Variants in CHD9 observed in about 807,000 individuals in gnomAD.
CHD9 encodes chromodomain helicase DNA binding protein 9, also known as ATP-dependent chromatin remodeler CHD9.
In CHD9, 77 loss-of-function variants were observed where a neutral mutation model predicts 316.1. The ratio of observed to expected loss-of-function variants is 0.24; its 90% CI spans 0.20 to 0.29. The LOEUF (loss-of-function observed/expected upper bound fraction) is 0.29, where lower values mean the gene tolerates loss of function less well. Among genes scored for constraint, CHD9 ranks in the 10% least tolerant of loss-of-function variants. The pLI is 1.00. For synonymous variants in CHD9, 1,129 were observed against 1,158.3 expected (o/e 0.97, Z 0.51); for missense variants, 2,763 against 3,438.1 (o/e 0.80, Z 4.91).
intron 31 of CHD9, among the ~76,000 whole-genome samples, chr16:53,305,512 T>C (rs1380595761): frequency 6.6e-6 from 1 of 152,250 alleles, no homozygotes; most frequent in Non-Finnish European, 1.5e-5. Flanking sequence ...CAGTAGTTTA[T>C]TTGTGATTGT....
chr16:53,116,875 A>T (rs764259772), intron 1 of CHD9, among the ~76,000 whole-genome samples: 32 of 152,216 alleles, frequency 2.1e-4, no homozygotes, highest in Admixed American at 7.2e-4. Context: ...CATTTAAACC[A>T]TGGAATGCTA....
intron 24 of CHD9, among the ~76,000 whole-genome samples, chr16:53,280,014 C>A (rs889405357): frequency 6.6e-6 from 1 of 151,980 alleles, no homozygotes; most frequent in African/African-American, 2.4e-5. Flanking sequence ...ATCAAAAAAT[C>A]AAAAAATAAT....
chr16:53,226,022 A>C (rs2047624175), intron 4 of CHD9, among the ~76,000 whole-genome samples: 1 of 152,260 alleles, frequency 6.6e-6, no homozygotes. Context: ...TAATGTAGTA[A>C]TAAAGGTATT....
intron 1 of CHD9, among the ~76,000 whole-genome samples, chr16:53,089,103 C>A (rs111621641): frequency 6.7e-6 from 1 of 149,744 alleles, no homozygotes; most frequent in Non-Finnish European, 1.5e-5. Context: ...CAGAGTGAGA[C>A]TCTGTCTCAA....
At chr16:53,086,492 C>T (rs192509547) in intron 1 of CHD9, among the ~76,000 whole-genome samples, 262 of 152,320 alleles carry the variant, frequency 1.7e-3, no homozygotes, top group Non-Finnish European at 2.3e-3. Context: ...TGTTGCCTCC[C>T]GCCCCAGACT....
chr16:53,275,248 G>A (rs1228799456), intron 24 of CHD9, among the ~76,000 whole-genome samples: 2 of 151,946 alleles, frequency 1.3e-5, no homozygotes, highest in Admixed American at 1.3e-4. Context: ...AGCTGGTCTT[G>A]AACTCCTAAC....
chr16:53,211,649 T>C (rs949680965), intron 3 of CHD9, among the ~76,000 whole-genome samples: 1 of 152,154 alleles, frequency 6.6e-6, no homozygotes, highest in Non-Finnish European at 1.5e-5. Context: ...AGTGAATTGA[T>C]AGAAGAATTT....
intron 29 of CHD9, among the ~76,000 whole-genome samples, chr16:53,294,921 C>T (rs2054642918): frequency 6.6e-6 from 1 of 152,122 alleles, no homozygotes; most frequent in Admixed American, 6.5e-5. Context: ...AGTTCTTAAG[C>T]CTAAGTTTGA....
intron 1 of CHD9, among the ~76,000 whole-genome samples, chr16:53,110,202 A>C (rs1418881392): frequency 6.6e-6 from 1 of 152,176 alleles, no homozygotes. Context: ...TGTCTATAGA[A>C]GTATTTTTGA....
At chr16:53,133,231 GTGATTAAT>G (rs1302368328) in intron 1 of CHD9, among the ~76,000 whole-genome samples, 1 of 152,166 alleles carries the variant, frequency 6.6e-6, no homozygotes, top group African/African-American at 2.4e-5. Context: ...AAAAACCCTT[GTGATTAAT>G]TGACCAGGAG....
At chr16:53,255,525 A>G in intron 18 of CHD9, 75 bp from the exon 19 acceptor site, 1 of 1,343,004 alleles carries the variant, frequency 7.4e-7, no homozygotes, top group Non-Finnish European at 1.0e-6. Flanking sequence ...GTGTTCTTTG[A>G]CATCCTTTAG....
intron 34 of CHD9, among the ~76,000 whole-genome samples, chr16:53,312,572 ATTC>A (rs1367128456): frequency 6.6e-6 from 1 of 152,210 alleles, no homozygotes; most frequent in African/African-American, 2.4e-5. Flanking sequence ...TAGTGTGTAA[ATTC>A]TTACTGGGAC....
Position 53,304,343 on chromosome 16 carries a change from A to G in CHD9, c.6337A>G (p.Thr2113Ala), listed in dbSNP as rs1271578449. Residue 2113 changes from threonine to alanine, a missense_variant, in exon 31 of 39, where the codon ACT becomes GCT. By Grantham distance (58) the Thr-to-Ala change is moderately conservative (BLOSUM62 0). Coordinates refer to ENST00000447540, the MANE Select transcript of CHD9 (RefSeq NM_001308319.2). ...RMVAARTEPL[T>A]PNPASKKPRV... ...GGTTGCAGCCAGAACAGAACCCCTA[A>G]CTCCAAACCCAGCTTCTAAGAAACC... is the stretch of plus-strand genomic sequence containing the variant. 6.2e-7 allele frequency: 1 copy of G among 1,612,748 alleles called. No homozygotes were observed. The highest frequency in any genetic ancestry group is 8.5e-7 in the Non-Finnish European group (1 of 1,179,744).
Position 53,272,593 on chromosome 16 carries a change from A to G in CHD9, c.4718-1033A>G, listed in dbSNP as rs551435818. On this transcript the variant is annotated intron_variant, in intron 22 of 38. Transcript: ENST00000447540. ...AGGTGGTATAGTTATGTAATAAATT[A>G]TTATACAGAAACAAAAATAGATGAA... Among the ~76,000 whole-genome samples the G allele has an allele frequency of 4.1e-3, 622 of 152,326 alleles. 4 individuals carry two copies. Among genetic ancestry groups the G allele is most frequent in the African/African-American group, 0.014 (596 of 41,578 alleles).
chr16:53,123,111 C>T (rs1184631523), intron 1 of CHD9, among the ~76,000 whole-genome samples: 1 of 151,812 alleles, frequency 6.6e-6, no homozygotes, highest in East Asian at 1.9e-4. Context: ...GATCCATCTG[C>T]CCTGGCCTCC....
At chr16:53,148,603 G>A (rs946534408) in intron 1 of CHD9, among the ~76,000 whole-genome samples, 1 of 152,212 alleles carries the variant, frequency 6.6e-6, no homozygotes, top group Non-Finnish European at 1.5e-5. Context: ...GACTGATGTT[G>A]AGTGTCTTCA....
chr16:53,077,741 A>C (rs1465684092), intron 1 of CHD9, among the ~76,000 whole-genome samples: 2 of 152,096 alleles, frequency 1.3e-5, no homozygotes, highest in Non-Finnish European at 2.9e-5. Context: ...TCTTTTTTTG[A>C]GGTAAAACAT....
intron 16 of CHD9, among the ~76,000 whole-genome samples, chr16:53,248,464 C>T (rs556938296): frequency 6.7e-6 from 1 of 149,838 alleles, no homozygotes; most frequent in East Asian, 1.9e-4. Flanking sequence ...TCAGAAATTT[C>T]AGCTATAGAT....
chr16:53,244,480 C>T (rs532725847), intron 13 of CHD9, among the ~76,000 whole-genome samples: 63 of 152,208 alleles, frequency 4.1e-4, no homozygotes, highest in African/African-American at 1.5e-3. Flanking sequence ...CATGAGCCAC[C>T]GCGCCCGGCC....
Sources: gnomAD v4.1 joint callset for allele counts (sites outside exome capture counted in the v4.1 genomes callset) on GRCh38, gnomAD v4.1.1 for gene constraint, MANE v1.5 for transcripts, NCBI Gene and HGNC (gene_info 2026-07-23, HGNC 2026-07-21) for gene names.